CDH1: variants seen among roughly 807,000 people sequenced by gnomAD.
CDH1 encodes cadherin-1.
In CDH1, 35 loss-of-function variants were observed where a neutral mutation model predicts 84.5. That is an observed-to-expected ratio of 0.41 (90% confidence interval 0.32 to 0.55). The LOEUF is 0.55. Among genes scored for constraint, CDH1 ranks in the 20% least tolerant of loss-of-function variants. The pLI, the probability that CDH1 is intolerant of heterozygous loss-of-function variation, is 0.19. For synonymous variants in CDH1, 417 were observed against 439.0 expected (o/e 0.95, Z 0.63); for missense variants, 994 against 1,126.6 (o/e 0.88, Z 1.68).
chr16:68,795,643 C>T (rs888750740), intron 2 of CDH1, among the ~76,000 whole-genome samples: 2 of 151,414 alleles, frequency 1.3e-5, no homozygotes, highest in African/African-American at 2.4e-5. Context: ...TACAGGTGCC[C>T]GCCACCATGC....
chr16:68,809,893 T>C (rs1960770206), intron 5 of CDH1, among the ~76,000 whole-genome samples: 2 of 152,118 alleles, frequency 1.3e-5, no homozygotes, highest in Admixed American at 6.6e-5. Context: ...CCAGAGCAAG[T>C]TTCACCCGGC....
intron 15 of CDH1, among the ~76,000 whole-genome samples, chr16:68,830,298 C>T (rs894910347): frequency 7.9e-5 from 12 of 152,034 alleles, no homozygotes; most frequent in African/African-American, 1.9e-4. Flanking sequence ...TGGATCTAAT[C>T]GTGCTTCAAA....
At chr16:68,822,660 G>A (rs1234823920) in intron 12 of CDH1, 2 of 374,508 alleles carry the variant, frequency 5.3e-6, no homozygotes, top group Non-Finnish European at 1.0e-5. Context: ...TTGCATATAT[G>A]GGCTTCCTAC....
chr16:68,738,452 G>A, intron 2 of CDH1, 41 bp downstream of exon 2: 1 of 1,390,638 alleles, frequency 7.2e-7, no homozygotes, highest in Non-Finnish European at 9.9e-7. Context: ...GAGTAGGGAG[G>A]GGTTGGAAAG....
At chr16:68,777,534 C>CTATTTT (rs1959764395) in intron 2 of CDH1, among the ~76,000 whole-genome samples, 2 of 76,968 alleles carry the variant, frequency 2.6e-5, no homozygotes, top group Non-Finnish European at 4.7e-5. Flanking sequence ...GTAATGTTTC[C>CTATTTT]TTTTTTTTTT....
chr16:68,807,474 A>G (rs971703821), intron 3 of CDH1, among the ~76,000 whole-genome samples: 16 of 152,266 alleles, frequency 1.1e-4, no homozygotes, highest in African/African-American at 3.6e-4. Flanking sequence ...GTTCGAGACC[A>G]GTCTGGGCAA....
At chr16:68,819,459 G>A (rs373019704) in intron 11 of CDH1, 34 bp downstream of exon 11, 60 of 1,608,592 alleles carry the variant, frequency 3.7e-5, no homozygotes, top group Non-Finnish European at 5.0e-5. Context: ...TTGCTGCCTC[G>A]ACCTCCTAGC....
intron 2 of CDH1, among the ~76,000 whole-genome samples, chr16:68,754,274 G>C (rs949798283): frequency 2.0e-5 from 3 of 151,948 alleles, no homozygotes; most frequent in African/African-American, 7.3e-5. Flanking sequence ...AGCCAGGCCT[G>C]GTGGCATGAG....
rs956070956 is a variant in CDH1, at chr16:68,747,921, A to T, written c.163+9510A>T. Among the ~76,000 whole-genome samples, 6 of 151,414 alleles carry T rather than the reference A, an allele frequency of 4.0e-5. No homozygotes were observed. The South Asian group carries it at 1.3e-3, about 32-fold the overall frequency. ...TGAGACTACAGACACATGCCAACAC[A>T]CCCGGCTAATTTTTGTATTTTTAGT... On this transcript the variant is annotated intron_variant, in intron 2 of 15. Transcript: ENST00000261769.
At chr16:68,819,110 C>G (rs1961066290) in intron 10 of CDH1, among the ~76,000 whole-genome samples, 170 bp from the exon 11 acceptor site, 1 of 152,178 alleles carries the variant, frequency 6.6e-6, no homozygotes, top group African/African-American at 2.4e-5. Flanking sequence ...CCCACCTCAG[C>G]CTCCCAAAGT....
chr16:68,765,968 A>G (rs1959369000), intron 2 of CDH1, among the ~76,000 whole-genome samples: 1 of 152,168 alleles, frequency 6.6e-6, no homozygotes, highest in Non-Finnish European at 1.5e-5. Context: ...CCCTACTATA[A>G]TTTTATATCG....
In CDH1 at chr16:68,812,217, C is replaced by G. The variant is rs876658376; in HGVS notation, c.1091C>G (p.Thr364Arg). Residue 364 changes from threonine (T) to arginine (R), a missense_variant, in exon 8 of 16, where the codon ACA becomes AGA. Physicochemically the swap from Thr to Arg is moderately conservative, Grantham distance 71 (BLOSUM62 -1). Coordinates refer to ENST00000261769, the MANE Select transcript of CDH1 (RefSeq NM_004360.5). ...AGCACAACAGCAACAGCTGTGATCA[C>G]AGTCACTGACACCAACGATAATCCT... Reference protein sequence around the residue: ...GLSTTATAVITVTDTNDNPPI... With the variant: ...GLSTTATAVIRVTDTNDNPPI... 7 of 1,614,152 alleles carry G rather than the reference C, an allele frequency of 4.3e-6. No individual in the cohort carries two copies. The highest frequency in any genetic ancestry group is 5.1e-6 in the Non-Finnish European group (6 of 1,179,980).
intron 2 of CDH1, among the ~76,000 whole-genome samples, chr16:68,783,217 C>T (rs1404824920): frequency 2.6e-5 from 4 of 151,448 alleles, no homozygotes; most frequent in South Asian, 2.1e-4. Flanking sequence ...GGTAACATGG[C>T]GAAACCCCGT....
chr16:68,785,583 C>T (rs1567493927), intron 2 of CDH1, among the ~76,000 whole-genome samples: 1 of 152,164 alleles, frequency 6.6e-6, no homozygotes, highest in Non-Finnish European at 1.5e-5. Flanking sequence ...AAGTGATCCT[C>T]CCACCTCAGC....
chr16:68,765,096 A>C (rs1041257914), intron 2 of CDH1: 1 of 152,246 alleles, frequency 6.6e-6, no homozygotes, highest in South Asian at 2.1e-4. Context: ...CAGATCCAGC[A>C]TGGAGATAAG....
intron 2 of CDH1, among the ~76,000 whole-genome samples, chr16:68,766,704 G>T (rs1270980435): frequency 2.0e-5 from 3 of 150,608 alleles, no homozygotes; most frequent in African/African-American, 4.9e-5. Flanking sequence ...AATTCTCCCA[G>T]TTACTTTGTG....
intron 3 of CDH1, among the ~76,000 whole-genome samples, chr16:68,805,290 G>T (rs1299481242): frequency 1.3e-5 from 2 of 151,882 alleles, no homozygotes; most frequent in African/African-American, 2.4e-5. Flanking sequence ...AAAGTGCTGG[G>T]ATTATAGGCG....
chr16:68,745,609 G>GTGTGTATATATATATA (rs1555510504), intron 2 of CDH1, among the ~76,000 whole-genome samples: 3 of 122,278 alleles, frequency 2.5e-5, no homozygotes, highest in African/African-American at 9.6e-5. Context: ...ATATGTATGT[G>GTGTGTATATATATATA]TATATATATA....
chr16:68,752,442 C>T (rs1172179209), intron 2 of CDH1, among the ~76,000 whole-genome samples: 1 of 152,164 alleles, frequency 6.6e-6, no homozygotes, highest in Non-Finnish European at 1.5e-5. Flanking sequence ...TTGTTTTGTA[C>T]TTGGGCTGAA....
Sources: allele counts gnomAD v4.1 joint callset (sites outside exome capture counted in the v4.1 genomes callset), GRCh38; gene constraint gnomAD v4.1.1; transcripts MANE v1.5; gene names NCBI Gene and HGNC (gene_info 2026-07-23, HGNC 2026-07-21).